CACNA2D1: variants seen among roughly 807,000 people sequenced by gnomAD.
CACNA2D1 encodes voltage-dependent calcium channel subunit alpha-2/delta-1.
In CACNA2D1, 53 loss-of-function variants were observed where a neutral mutation model predicts 171.5. The observed-to-expected ratio is 0.31, with a 90% CI of 0.25 to 0.39. CACNA2D1 has a LOEUF of 0.39. CACNA2D1 is among the 10% of genes least tolerant of loss of function. CACNA2D1 has a pLI of 1.00. For missense variants in CACNA2D1, 903 were observed against 1,299.8 expected (o/e 0.69, Z 4.69); for synonymous variants, 442 against 443.1 (o/e 1.00, Z 0.03).
At chr7:82,325,031 A>T (rs1284511363) in intron 3 of CACNA2D1, among the ~76,000 whole-genome samples, 2 of 152,230 alleles carry the variant, frequency 1.3e-5, no homozygotes, top group Non-Finnish European at 2.9e-5. Flanking sequence ...CGCTGTCAGC[A>T]GAAAACATGC....
At chr7:82,386,751 T>TAAAG (rs1373055792) in intron 1 of CACNA2D1, among the ~76,000 whole-genome samples, 43 of 144,150 alleles carry the variant, frequency 3.0e-4, no homozygotes, top group African/African-American at 1.1e-3. Flanking sequence ...AATAAATAAA[T>TAAAG]AAATAAATAA....
intron 3 of CACNA2D1, among the ~76,000 whole-genome samples, chr7:82,241,038 AT>A (rs1804215073): frequency 6.6e-6 from 1 of 152,056 alleles, no homozygotes; most frequent in Non-Finnish European, 1.5e-5. Context: ...ATATTTTACG[AT>A]TTTAACTGAA....
At chr7:82,254,092 G>A (rs976412263) in intron 3 of CACNA2D1, among the ~76,000 whole-genome samples, 2 of 151,972 alleles carry the variant, frequency 1.3e-5, no homozygotes, top group Non-Finnish European at 2.9e-5. Flanking sequence ...GGGTGCCATC[G>A]AATTATACAT....
At chr7:82,138,883 C>T (rs140267424) in intron 4 of CACNA2D1, among the ~76,000 whole-genome samples, 69 of 152,152 alleles carry the variant, frequency 4.5e-4, no homozygotes, top group African/African-American at 5.1e-4. Context: ...ACTTAGGAGA[C>T]GATTTTCAAT....
intron 16 of CACNA2D1, among the ~76,000 whole-genome samples, chr7:82,006,123 T>C (rs186071557): frequency 6.5e-4 from 99 of 152,160 alleles, no homozygotes; most frequent in African/African-American, 2.1e-3. Flanking sequence ...CCTTTTCTTC[T>C]AATATTTATT....
At chr7:82,209,782 G>A (rs558415794) in intron 3 of CACNA2D1, among the ~76,000 whole-genome samples, 1 of 152,056 alleles carries the variant, frequency 6.6e-6, no homozygotes, top group Non-Finnish European at 1.5e-5. Flanking sequence ...TACATAGCCG[G>A]TGCCACATTT....
intron 1 of CACNA2D1, among the ~76,000 whole-genome samples, chr7:82,407,087 T>C (rs1054831211): frequency 3.9e-5 from 6 of 152,190 alleles, no homozygotes; most frequent in African/African-American, 7.2e-5. Flanking sequence ...CACCAAAGAA[T>C]GTGATTGATA....
intron 3 of CACNA2D1, among the ~76,000 whole-genome samples, chr7:82,306,055 T>C (rs73376110): frequency 0.012 from 1,835 of 152,312 alleles, 47 homozygotes; most frequent in African/African-American, 0.042. Flanking sequence ...GCGACTCTGG[T>C]ATATATTTTG....
intron 3 of CACNA2D1, among the ~76,000 whole-genome samples, chr7:82,235,405 A>C (rs1208070110): frequency 6.6e-6 from 1 of 152,090 alleles, no homozygotes; most frequent in African/African-American, 2.4e-5. Context: ...ACCAAAGGCA[A>C]ATGAACTTTC....
chr7:82,116,503 T>A lies in CACNA2D1; in HGVS notation c.526+541A>T, dbSNP rs917123967. 2.0e-5 allele frequency among the ~76,000 whole-genome samples: 3 copies of A among 152,318 alleles called. No homozygotes were observed. In the East Asian group the frequency reaches 5.8e-4, roughly 29 times the overall value. The stretch of plus-strand genomic sequence containing the variant: ...TCTCTTCCTTTTACCCAAGCACTTC[T>A]TTTGGCTGGAAGCCCACAATACATT... On this transcript the variant is annotated intron_variant, in intron 6 of 38. Transcript: ENST00000356860.
At chr7:82,198,768 T>C (rs1256014042) in intron 3 of CACNA2D1, among the ~76,000 whole-genome samples, 2 of 151,922 alleles carry the variant, frequency 1.3e-5, no homozygotes, top group African/African-American at 4.8e-5. Flanking sequence ...CTTAATCCTC[T>C]ACTCTATTAA....
chr7:82,403,638 C>T (rs1457047679), intron 1 of CACNA2D1, among the ~76,000 whole-genome samples: 1 of 152,196 alleles, frequency 6.6e-6, no homozygotes, highest in African/African-American at 2.4e-5. Flanking sequence ...TCTAGAAGCA[C>T]TTGGGTGTCA....
At chr7:81,993,159 A>AT (rs1302201346) in intron 20 of CACNA2D1, among the ~76,000 whole-genome samples, 1 of 152,182 alleles carries the variant, frequency 6.6e-6, no homozygotes, top group Non-Finnish European at 1.5e-5. Flanking sequence ...ATAGAATAGT[A>AT]AGACTCATGA....
Position 82,443,435 on chromosome 7 carries a change from A to G in CACNA2D1, c.25T>C (p.Leu9=). 1.2e-6 allele frequency: 2 copies of G among 1,607,836 alleles called. No individual in the cohort carries two copies. The highest frequency in any genetic ancestry group is 2.2e-5 in the East Asian group (1 of 44,468). The part of the protein sequence containing the change: MAAGCLLA[L]TLTLFQSLLI... ...AAAGATTGGAAAAGTGTCAGAGTCAAGGCCAGCAGGCAGCCAGCAGCCATC... is the reference window on the plus strand; with the variant it reads ...AAAGATTGGAAAAGTGTCAGAGTCAGGGCCAGCAGGCAGCCAGCAGCCATC... Residue 9 remains leucine, a synonymous_variant, in exon 1 of 39, where the codon TTG becomes CTG. Transcript: ENST00000356860.
At chr7:82,052,722 C>T (rs568824228) in intron 10 of CACNA2D1, among the ~76,000 whole-genome samples, 4 of 152,028 alleles carry the variant, frequency 2.6e-5, no homozygotes, top group South Asian at 2.1e-4. Flanking sequence ...AAAAGATACA[C>T]GGTAAAGAAA....
chr7:82,062,956 A>G (rs1396812360), intron 9 of CACNA2D1, among the ~76,000 whole-genome samples: 1 of 151,850 alleles, frequency 6.6e-6, no homozygotes, highest in Non-Finnish European at 1.5e-5. Context: ...TTTGTTGCTC[A>G]GGCTGGTCTC....
intron 3 of CACNA2D1, among the ~76,000 whole-genome samples, chr7:82,312,715 G>A (rs1814630340): frequency 6.7e-6 from 1 of 149,692 alleles, no homozygotes; most frequent in South Asian, 2.1e-4. Context: ...TGCATTTTTA[G>A]TACAGATAGT....
At chr7:82,082,261 G>A (rs925044101) in intron 7 of CACNA2D1, among the ~76,000 whole-genome samples, 1 of 152,054 alleles carries the variant, frequency 6.6e-6, no homozygotes, top group Non-Finnish European at 1.5e-5. Flanking sequence ...CATTTCATGG[G>A]TTCTTGTCAC....
intron 1 of CACNA2D1, among the ~76,000 whole-genome samples, chr7:82,434,206 TGAACTCCCATGATG>T: frequency 1.3e-5 from 2 of 152,346 alleles, no homozygotes; most frequent in South Asian, 4.1e-4. Flanking sequence ...ATCCTTGACC[TGAACTCCCATGATG>T]GATCATCCAG....
Sources: gnomAD v4.1 joint callset for allele counts (sites outside exome capture counted in the v4.1 genomes callset) on GRCh38, gnomAD v4.1.1 for gene constraint, MANE v1.5 for transcripts, NCBI Gene and HGNC (gene_info 2026-07-23, HGNC 2026-07-21) for gene names.